The following MCM9 variants were observed in gnomAD, a reference collection of about 807,000 sequenced individuals.
MCM9 encodes minichromosome maintenance 9 homologous recombination repair factor, also known as DNA helicase MCM9.
A neutral mutation model predicts 72.8 loss-of-function variants in MCM9; 55 were observed. The ratio of observed to expected loss-of-function variants is 0.76; its 90% CI spans 0.61 to 0.95. The LOEUF is 0.95. MCM9 is among the 40% of genes least tolerant of loss of function. The pLI is 0.00. For synonymous variants in MCM9, 480 were observed against 503.4 expected (o/e 0.95, Z 0.62); for missense variants, 1,279 against 1,377.0 (o/e 0.93, Z 1.13).
chr6:118,906,325 G>T (rs1225211675), intron 8 of MCM9, among the ~76,000 whole-genome samples: 1 of 152,064 alleles, frequency 6.6e-6, no homozygotes, highest in East Asian at 1.9e-4. Context: ...TGCCTACCTT[G>T]ACCTCCCAAA....
intron 4 of MCM9, among the ~76,000 whole-genome samples, chr6:118,923,459 T>C (rs1781603550): frequency 1.3e-5 from 2 of 152,182 alleles, no homozygotes; most frequent in Non-Finnish European, 2.9e-5. Flanking sequence ...CACTCCAATG[T>C]TTAACCATTT....
In MCM9 at chr6:118,931,557, T is replaced by A; in HGVS notation, c.167A>T (p.Glu56Val). 6.2e-7 allele frequency: 1 copy of A among 1,614,132 alleles called. No homozygotes were observed. Among genetic ancestry groups the A allele is most frequent in the Non-Finnish European group, 8.5e-7 (1 of 1,180,030 alleles). ...TTCACTGGGGAACATGTTGAAATAT[T>A]CCCCGATTTCCATGTTGGTCTCAAA... ...TLFETNMEIG[E>V]YFNMFPSEVL... Residue 56 changes from glutamate to valine, a missense_variant, in exon 3 of 14, where the codon GAA becomes GTA. Transcript: ENST00000619706.
chr6:118,923,475 T>C (rs1366129317), intron 4 of MCM9, among the ~76,000 whole-genome samples: 1 of 152,216 alleles, frequency 6.6e-6, no homozygotes, highest in Non-Finnish European at 1.5e-5. Flanking sequence ...CATTTAAGCA[T>C]TAATTAATCT....
rs147763609 is a variant in MCM9 at position 118,911,329 on chromosome 6, T to C, written c.1150+321A>G. On this transcript the variant is annotated intron_variant, in intron 8 of 13. Coordinates refer to ENST00000619706, the MANE Select transcript of MCM9 (RefSeq NM_017696.3). ...TGGTAAAGTGAAATATCCCCCTCTT[T>C]AGTTTAACATTCCAGTTGCTGAGTC... 2.0e-3 allele frequency: 2,090 copies of C among 1,049,694 alleles called. 3 individuals are homozygous for C. Among genetic ancestry groups the C allele is most frequent in the Non-Finnish European group, 2.2e-3 (1,942 of 871,416 alleles). The allele number at this position is 1,049,694 out of a possible 1,614,324, so 65.0% of individuals were successfully genotyped here. A position where few individuals can be genotyped will look rare whatever the true frequency, so the allele number is the denominator to read the frequency against.
intron 9 of MCM9, among the ~76,000 whole-genome samples, chr6:118,833,864 G>A (rs1002563202): frequency 1.3e-5 from 2 of 152,092 alleles, no homozygotes; most frequent in African/African-American, 2.4e-5. Context: ...CTTGTACAAC[G>A]TGACTTATAC....
intron 9 of MCM9, among the ~76,000 whole-genome samples, chr6:118,836,569 C>T (rs1279495508): frequency 1.3e-5 from 2 of 152,154 alleles, no homozygotes; most frequent in East Asian, 3.8e-4. Flanking sequence ...CTGGTTTAGT[C>T]TTGGGAGGGT....
rs1252202339 is a variant in MCM9 at position 118,894,436 on chromosome 6, A to G, written c.1150+17214T>C. On this transcript the variant is annotated intron_variant, in intron 8 of 13. Transcript: ENST00000619706. ...AATATGGCAAAGGTTCAGGTGAACA[A>G]TGTAGTGGTGCTGGATAACCCTTCT... 2.0e-6 allele frequency: 3 copies of G among 1,537,026 alleles called. No homozygotes were observed. Among genetic ancestry groups the G allele is most frequent in the Admixed American group, 3.9e-5 (2 of 51,000 alleles).
chr6:118,902,044 A>AT (rs1489534725), intron 8 of MCM9, among the ~76,000 whole-genome samples: 3 of 152,190 alleles, frequency 2.0e-5, no homozygotes, highest in Non-Finnish European at 4.4e-5. Context: ...GCAACAAATA[A>AT]TTTACTGTAT....
intron 8 of MCM9, among the ~76,000 whole-genome samples, chr6:118,881,946 A>G (rs1221730163): frequency 6.6e-6 from 1 of 152,134 alleles, no homozygotes; most frequent in Non-Finnish European, 1.5e-5. Context: ...GGAGCTCCCT[A>G]TGAGCTCTTA....
At chr6:118,828,390 AT>A (rs796793445) in intron 10 of MCM9, among the ~76,000 whole-genome samples, 129 of 145,444 alleles carry the variant, frequency 8.9e-4, no homozygotes, top group Middle Eastern at 7.0e-3. Context: ...AAATACATCT[AT>A]TTTTTTTTTT....
At chr6:118,920,254 TCC>T (rs1781324152) in intron 5 of MCM9, 1 of 152,172 alleles carries the variant, frequency 6.6e-6, no homozygotes, top group Non-Finnish European at 1.5e-5. Context: ...TAGCAGGCAA[TCC>T]ATAATCAAAG....
intron 9 of MCM9, among the ~76,000 whole-genome samples, chr6:118,846,997 A>G (rs1775915054): frequency 6.6e-6 from 1 of 151,886 alleles, no homozygotes. Flanking sequence ...CAGTGCCCTG[A>G]CTTGAATATC....
At chr6:118,911,313 G>A (rs1479508159) in intron 8 of MCM9, 1 of 1,028,940 alleles carries the variant, frequency 9.7e-7, no homozygotes, top group Non-Finnish European at 1.2e-6. Context: ...TTGGTAAAGT[G>A]AAATATCCCC....
At chr6:118,856,317 T>G (rs36160966) in intron 9 of MCM9, 54 bp downstream of exon 9, 1,098,938 of 1,472,970 alleles carry the variant, frequency 0.75, 413,341 homozygotes, top group Admixed American at 0.79. Flanking sequence ...CATTTTCCCC[T>G]AAGCATATAT....
intron 9 of MCM9, 54 bp downstream of exon 9, chr6:118,856,317 T>A (rs36160966): frequency 0.016 from 23,696 of 1,474,170 alleles, 239 homozygotes; most frequent in Middle Eastern, 0.041. Context: ...CATTTTCCCC[T>A]AAGCATATAT....
At chr6:118,843,655 T>TATATATATACACGTATATATATATAC (rs1491542240) in intron 9 of MCM9, among the ~76,000 whole-genome samples, 1 of 38,616 alleles carries the variant, frequency 2.6e-5, no homozygotes, top group African/African-American at 9.9e-5. Context: ...TATATATATA[T>TATATATATACACGTATATATATATAC]GTGTATATAT....
intron 8 of MCM9, chr6:118,910,727 T>C (rs534881261): frequency 3.0e-5 from 30 of 985,320 alleles, no homozygotes; most frequent in Non-Finnish European, 3.5e-5. Context: ...GAAGTTTGTC[T>C]ACCCTTCTCA....
At chr6:118,932,054 C>T (rs748402521) in intron 2 of MCM9, among the ~76,000 whole-genome samples, 7 of 152,230 alleles carry the variant, frequency 4.6e-5, no homozygotes, top group Non-Finnish European at 8.8e-5. Context: ...TACAGGCATG[C>T]ACCTAACAAC....
chr6:118,915,109 C>T (rs534644774), intron 6 of MCM9, among the ~76,000 whole-genome samples: 1 of 152,270 alleles, frequency 6.6e-6, no homozygotes, highest in East Asian at 1.9e-4. Flanking sequence ...GTGGTCAACA[C>T]AAAAGACTAC....
Sources: allele counts gnomAD v4.1 joint callset (sites outside exome capture counted in the v4.1 genomes callset), GRCh38; gene constraint gnomAD v4.1.1; transcripts MANE v1.5; gene names NCBI Gene and HGNC (gene_info 2026-07-23, HGNC 2026-07-21).